RSPH14: variants seen among roughly 807,000 people sequenced by gnomAD.
RSPH14 encodes radial spoke head 14 homolog.
Under a neutral mutation model 26.7 loss-of-function variants are expected in RSPH14, and 20 were observed. That is an observed-to-expected ratio of 0.75 (90% CI 0.53 to 1.09). The LOEUF (loss-of-function observed/expected upper bound fraction) is 1.09, where lower values mean the gene tolerates loss of function less well. RSPH14 is among the 50% of genes least tolerant of loss of function. RSPH14 has a pLI of 0.00. For missense variants in RSPH14, 449 were observed against 457.2 expected, an observed-to-expected ratio of 0.98 and a Z score of 0.16; for synonymous variants, 177 against 189.3, an observed-to-expected ratio of 0.93 and a Z score of 0.53.
At chr22:23,078,055 T>C (rs532766712) in intron 4 of RSPH14, among the ~76,000 whole-genome samples, 5 of 152,288 alleles carry the variant, frequency 3.3e-5, no homozygotes, top group African/African-American at 1.2e-4. Flanking sequence ...CCCAGCCCTC[T>C]TGCTTCCTGT....
At chr22:23,166,940 C>T in the RSPH14 span, among the ~76,000 whole-genome samples, 3 of 152,106 alleles carry the variant, frequency 2.0e-5, no homozygotes, top group Non-Finnish European at 2.9e-5. Flanking sequence ...GTGCCAGCCC[C>T]GTATGCAGTG....
the RSPH14 span, among the ~76,000 whole-genome samples, chr22:23,158,277 C>G: frequency 6.6e-6 from 1 of 152,224 alleles, no homozygotes; most frequent in African/African-American, 2.4e-5. Flanking sequence ...CAGCCACCCC[C>G]AGGCACGTGC....
chr22:23,110,518 T>C (rs2069614625), intron 4 of RSPH14, among the ~76,000 whole-genome samples: 2 of 152,192 alleles, frequency 1.3e-5, no homozygotes, highest in Non-Finnish European at 2.9e-5. Context: ...AGGCAGGTCC[T>C]TAAAGAGACA....
chr22:23,073,824 A>G, intron 4 of RSPH14, among the ~76,000 whole-genome samples: 1 of 152,098 alleles, frequency 6.6e-6, no homozygotes, highest in Non-Finnish European at 1.5e-5. Flanking sequence ...GGGACGTAGC[A>G]TCCACTCACA....
the RSPH14 span, among the ~76,000 whole-genome samples, chr22:23,158,368 G>A: frequency 2.6e-5 from 4 of 152,316 alleles, no homozygotes; most frequent in East Asian, 3.9e-4. Flanking sequence ...GGTGCCCCAC[G>A]TGTTCAGTTC....
At chr22:23,067,896 C>T (rs2068246944) in intron 4 of RSPH14, among the ~76,000 whole-genome samples, 3 of 152,242 alleles carry the variant, frequency 2.0e-5, no homozygotes, top group Non-Finnish European at 1.5e-5. Flanking sequence ...CTCACTCCCA[C>T]TTCCTCTGGA....
the RSPH14 span, chr22:23,160,839 G>A: frequency 3.6e-5 from 57 of 1,597,574 alleles, 1 homozygote; most frequent in Non-Finnish European, 3.6e-5. Context: ...GGGGCAAGGA[G>A]AAACACTGAT....
Position 23,061,793 on chromosome 22 carries a change from C to G in RSPH14, c.790+16G>C. The G allele has an allele frequency of 6.2e-7, 1 of 1,612,430 alleles. No homozygotes were observed. The highest frequency in any genetic ancestry group is 1.1e-5 in the South Asian group (1 of 91,042). Reference sequence around the variant, plus strand: ...TGCTAGGGTCTCCCTCCCTGCGGCACCCCCCACCGCCTCACCTTCAGTGAT... The same window carrying G: ...TGCTAGGGTCTCCCTCCCTGCGGCAGCCCCCACCGCCTCACCTTCAGTGAT... On this transcript the variant is annotated intron_variant, in intron 6 of 6. Coordinates refer to ENST00000216036, the MANE Select transcript of RSPH14 (RefSeq NM_014433.3).
In RSPH14 at chr22:23,138,856, T is replaced by G. The variant is rs1198911185; in HGVS notation, c.286A>C (p.Ser96Arg). 2 of 1,551,688 alleles carry G rather than the reference T, an allele frequency of 1.3e-6. No individual in the cohort carries two copies. The highest frequency in any genetic ancestry group is 2.4e-5 in the South Asian group (2 of 84,062). Residue 96 changes from serine (S) to arginine (R), a missense_variant, in exon 3 of 7, where the codon AGC becomes CGC. Coordinates refer to ENST00000216036, the MANE Select transcript of RSPH14 (RefSeq NM_014433.3). ...KTTEVLHITA[S>R]HSVGRYAFLE... is the part of the protein sequence containing the mutation. ...GCATCCCACCTGCCCACGCTATGGC[T>G]TGCCGTGATGTGGAGCACCTCGGTG... is the stretch of plus-strand genomic sequence containing the variant.
upstream of RSPH14, among the ~76,000 whole-genome samples, chr22:23,147,140 A>C (rs2070824416): frequency 6.6e-6 from 1 of 152,184 alleles, no homozygotes; most frequent in Non-Finnish European, 1.5e-5. Context: ...CATGACCCCA[A>C]ATCCAGGGCT....
intron 2 of RSPH14, among the ~76,000 whole-genome samples, chr22:23,139,281 T>A (rs928753068): frequency 6.6e-6 from 1 of 152,268 alleles, no homozygotes; most frequent in African/African-American, 2.4e-5. Context: ...ACTAGTCATA[T>A]GACTTTGAGT....
chr22:23,139,324 T>C (rs1017656868), intron 2 of RSPH14, among the ~76,000 whole-genome samples: 3 of 152,188 alleles, frequency 2.0e-5, no homozygotes, highest in African/African-American at 7.2e-5. Flanking sequence ...ATTTAGCAAA[T>C]AAAAATCCAG....
At chr22:23,141,567 A>G (rs2070601925) in intron 1 of RSPH14, among the ~76,000 whole-genome samples, 1 of 152,206 alleles carries the variant, frequency 6.6e-6, no homozygotes, top group African/African-American at 2.4e-5. Context: ...TAAGCCTGGC[A>G]TACCAGGGCT....
intron 4 of RSPH14, among the ~76,000 whole-genome samples, chr22:23,068,636 G>C (rs1018473688): frequency 6.6e-6 from 1 of 152,244 alleles, no homozygotes; most frequent in South Asian, 2.1e-4. Flanking sequence ...TCTCACTGTT[G>C]CATGTGGGCT....
In RSPH14 at chr22:23,118,556, A is replaced by G. The variant is rs578103669; in HGVS notation, c.421+15470T>C. 2.0e-5 allele frequency among the ~76,000 whole-genome samples: 3 copies of G among 148,304 alleles called. No homozygotes were observed. In the South Asian group the frequency reaches 6.9e-4, roughly 34 times the overall value. On this transcript the variant is annotated intron_variant, in intron 4 of 6. Transcript: ENST00000216036. ...TCTTGCCAGAACAGGACACTGTGGCAGTTGGAAAATACCAGGCTCTCAACT... is the reference window on the plus strand; with the variant it reads ...TCTTGCCAGAACAGGACACTGTGGCGGTTGGAAAATACCAGGCTCTCAACT...
rs2068358483 is a variant in RSPH14 at position 23,071,083 on chromosome 22, A to G, written c.422-6950T>C. On this transcript the variant is annotated intron_variant, in intron 4 of 6. Transcript: ENST00000216036. The surrounding 1 kb of genome is among the most constrained non-coding windows in gnomAD (Gnocchi z 4.1). ...GACCTGGGCCCGCAGACGGACAGCT[A>G]GCAGTTCTCGGTCACTGCTCTTGCA... is the stretch of plus-strand genomic sequence containing the variant. Among the ~76,000 whole-genome samples the G allele has an allele frequency of 6.6e-6, 1 of 152,206 alleles. No individual in the cohort carries two copies. The highest frequency in any genetic ancestry group is 1.9e-4 in the East Asian group (1 of 5,192).
the RSPH14 span, among the ~76,000 whole-genome samples, chr22:23,171,112 C>T: frequency 2.0e-5 from 3 of 151,980 alleles, no homozygotes; most frequent in African/African-American, 7.3e-5. Flanking sequence ...GGACTACAGG[C>T]GTGCACCACC....
rs2146456978 is a variant in RSPH14 at position 23,140,422 on chromosome 22, T to C, written c.-2A>G. 6.2e-7 allele frequency: 1 copy of C among 1,613,960 alleles called. No individual in the cohort carries two copies. The highest frequency in any genetic ancestry group is 1.6e-4 in the Middle Eastern group (1 of 6,062). On this transcript the variant is annotated 5_prime_UTR_variant, in exon 2 of 7. Coordinates refer to ENST00000216036, the MANE Select transcript of RSPH14 (RefSeq NM_014433.3). ...CAAGGAGTTCTGGGAATGGGCCATC[T>C]TTCCCCAACTACAGAGGCCTTTCCA... is the stretch of plus-strand genomic sequence containing the variant.
chr22:23,142,079 T>C (rs1013684472), upstream of RSPH14: 20 of 972,608 alleles, frequency 2.1e-5, no homozygotes, highest in East Asian at 2.3e-4. Flanking sequence ...CAGCACCCAC[T>C]GCGCAGGCGC....
Sources: gnomAD v4.1 joint callset for allele counts (sites outside exome capture counted in the v4.1 genomes callset) on GRCh38, gnomAD v4.1.1 for gene constraint, Gnocchi (gnomAD v3.1) non-coding constraint, MANE v1.5 for transcripts, NCBI Gene and HGNC (gene_info 2026-07-23, HGNC 2026-07-21) for gene names.